The following NVL variants were observed in gnomAD, a reference collection of about 807,000 sequenced individuals.
NVL encodes nuclear valosin-containing protein-like.
A neutral mutation model predicts 110.2 loss-of-function variants in NVL; 84 were observed. The ratio of observed to expected loss-of-function variants is 0.76; its 90% CI spans 0.64 to 0.91. NVL has a LOEUF of 0.91. NVL is among the 40% of genes least tolerant of loss of function. The pLI, the probability that NVL is intolerant of heterozygous loss-of-function variation, is 0.00. For synonymous variants in NVL, 354 were observed against 361.1 expected (o/e 0.98, Z 0.22); for missense variants, 882 against 1,035.9 (o/e 0.85, Z 2.04).
At chr1:224,264,408 C>T (rs1021494725) in intron 18 of NVL, among the ~76,000 whole-genome samples, 4 of 151,902 alleles carry the variant, frequency 2.6e-5, no homozygotes, top group Admixed American at 1.3e-4. Flanking sequence ...CCACCACGCC[C>T]AATTAATTTT....
intron 16 of NVL, among the ~76,000 whole-genome samples, chr1:224,276,967 TAGTTTTATGA>T (rs1665831395): frequency 1.0e-5 from 1 of 95,960 alleles, no homozygotes; most frequent in Non-Finnish European, 2.1e-5. Flanking sequence ...CACATAAAAC[TAGTTTTATGA>T]CACATAAAAC....
chr1:224,241,788 G>A (rs1382801116), intron 19 of NVL, among the ~76,000 whole-genome samples: 1 of 151,482 alleles, frequency 6.6e-6, no homozygotes, highest in African/African-American at 2.4e-5. Flanking sequence ...CCCGGGAAGA[G>A]GAGGTTGCAG....
intron 18 of NVL, among the ~76,000 whole-genome samples, chr1:224,252,305 C>T (rs530872869): frequency 2.0e-5 from 3 of 152,234 alleles, no homozygotes; most frequent in African/African-American, 7.2e-5. Flanking sequence ...ATCAGGAGCA[C>T]AGAGCAAGCC....
In NVL at chr1:224,268,015, CA is replaced by C; in HGVS notation, c.2182+18del. ...TAAGTTTTTAGATTCATCTGTGTTA[CA>C]ATATTTTTATTTCTTACCTGGCCTG... On this transcript the variant is annotated intron_variant, in intron 18 of 22. Transcript: ENST00000281701. 6.4e-7 allele frequency: 1 copy of C among 1,553,278 alleles called. No homozygotes were observed. The highest frequency in any genetic ancestry group is 8.9e-7 in the Non-Finnish European group (1 of 1,126,848).
chr1:224,258,240 T>C (rs1663519379), intron 18 of NVL, among the ~76,000 whole-genome samples: 1 of 151,892 alleles, frequency 6.6e-6, no homozygotes, highest in Non-Finnish European at 1.5e-5. Flanking sequence ...ACCAGACATA[T>C]CTCCAAAGAA....
chr1:224,310,704 CT>C (rs977627040), intron 5 of NVL, among the ~76,000 whole-genome samples: 62 of 151,830 alleles, frequency 4.1e-4, no homozygotes, highest in Admixed American at 9.9e-4. Context: ...AGCCCTAACC[CT>C]TTTTTTTCTT....
Position 224,236,499 on chromosome 1 carries a change from C to G in NVL, c.2366+7G>C. ...AGAGTGAATTGACTTAAGATTTAAA[C>G]ACTTACGTATAGCAATCACAGCGAA... On this transcript the variant is annotated splice_region_variant and intron_variant, in intron 20 of 22. Coordinates refer to ENST00000281701, the MANE Select transcript of NVL (RefSeq NM_002533.4). 1 of 1,608,660 alleles carries G rather than the reference C, an allele frequency of 6.2e-7. No individual in the cohort carries two copies. Among genetic ancestry groups the G allele is most frequent in the Non-Finnish European group, 8.5e-7 (1 of 1,175,106 alleles).
chr1:224,327,320 G>C (rs1319298597), intron 1 of NVL, among the ~76,000 whole-genome samples: 1 of 151,868 alleles, frequency 6.6e-6, no homozygotes, highest in East Asian at 1.9e-4. Flanking sequence ...GTGCATACCT[G>C]TGGTCCCAGC....
intron 18 of NVL, chr1:224,257,290 C>T: frequency 7.2e-6 from 2 of 275,894 alleles, no homozygotes; most frequent in Non-Finnish European, 1.5e-5. Flanking sequence ...AAAGCACCTA[C>T]CTCCCCTCAA....
At chr1:224,279,494 T>C (rs2102585425) in intron 16 of NVL, among the ~76,000 whole-genome samples, 1 of 152,222 alleles carries the variant, frequency 6.6e-6, no homozygotes, top group East Asian at 1.9e-4. Flanking sequence ...ATACACACTA[T>C]TTAAAGGGGT....
intron 18 of NVL, among the ~76,000 whole-genome samples, chr1:224,254,644 A>G (rs1662967934): frequency 1.4e-5 from 2 of 145,716 alleles, no homozygotes; most frequent in African/African-American, 2.5e-5. Context: ...CGAACTCCCA[A>G]CCTCAGGTGA....
At chr1:224,230,930 G>A (rs1234198700) in intron 22 of NVL, among the ~76,000 whole-genome samples, 1 of 151,958 alleles carries the variant, frequency 6.6e-6, no homozygotes, top group Non-Finnish European at 1.5e-5. Context: ...TCAGGAGATC[G>A]AGACCATCCT....
Position 224,236,568 on chromosome 1 carries a change from T to C in NVL, c.2304A>G (p.Pro768=). 6.2e-7 allele frequency: 1 copy of C among 1,613,690 alleles called. No homozygotes were observed. Among genetic ancestry groups the C allele is most frequent in the African/African-American group, 1.3e-5 (1 of 75,036 alleles). The change falls in exon 20 of 23, where the codon CCA becomes CCG. Residue 768 remains proline (P), a synonymous_variant. Transcript: ENST00000281701. ...CCAAATTTACATCTGCATCCAGTGG[T>C]GGTTTGGTACCATTCTAAGTAAGAG... is the stretch of plus-strand genomic sequence containing the variant. ...LKTITKNGTK[P]PLDADVNLEA...
intron 10 of NVL, among the ~76,000 whole-genome samples, chr1:224,296,917 T>A (rs181038026): frequency 6.6e-6 from 1 of 152,168 alleles, no homozygotes; most frequent in Non-Finnish European, 1.5e-5. Flanking sequence ...ATACATTTGC[T>A]ATGCTATGAA....
At position 224,294,364 on chromosome 1, in the gene NVL, T is replaced by C. The variant is rs1667669579; in HGVS notation, c.1228A>G (p.Thr410Ala). 6.2e-7 allele frequency: 1 copy of C among 1,614,042 alleles called. No individual in the cohort carries two copies. The highest frequency in any genetic ancestry group is 1.3e-5 in the African/African-American group (1 of 74,912). ...ATARVLVIGA[T>A]NRPDSLDPAL... ...GGGTCTAACGAGTCTGGTCGATTAG[T>C]AGCTCCAATAACTAGGACCCGGGCT... is the stretch of plus-strand genomic sequence containing the variant. The change falls in exon 12 of 23, where the codon ACT (threonine) becomes GCT (alanine). Residue 410 changes from threonine to alanine, a missense_variant. Thr to Ala is a moderately conservative substitution (Grantham distance 58). This residue lies in a region of NVL where 416 missense variants were observed against 499.3 expected (regional missense o/e 0.83). Transcript: ENST00000281701.
In NVL at chr1:224,296,631, AT is replaced by A; in HGVS notation, c.1063-14del. The A allele has an allele frequency of 6.7e-7, 1 of 1,495,184 alleles. No homozygotes were observed. The highest frequency in any genetic ancestry group is 1.2e-5 in the South Asian group (1 of 83,738). 92.6% of individuals were successfully genotyped at this position (1,495,184 alleles called of 1,614,324 possible). A position where few individuals can be genotyped will look rare whatever the true frequency, so the allele number is the denominator to read the frequency against. On this transcript the variant is annotated splice_polypyrimidine_tract_variant and intron_variant, in intron 10 of 22. Transcript: ENST00000281701. The stretch of plus-strand genomic sequence containing the variant: ...ATGGTGCATTTGACTAGAAATAAAA[AT>A]ATCACAAAAAGACAATCATAAATGC...
intron 14 of NVL, 39 bp from the exon 15 acceptor site, chr1:224,286,169 C>CATTT (rs756987011): frequency 7.4e-7 from 1 of 1,345,534 alleles, no homozygotes; most frequent in South Asian, 1.2e-5. Flanking sequence ...ATTACATGTC[C>CATTT]ATTTTATACT....
chr1:224,242,626 C>A (rs917490009), intron 19 of NVL, among the ~76,000 whole-genome samples: 6 of 149,410 alleles, frequency 4.0e-5, no homozygotes, highest in Non-Finnish European at 7.4e-5. Context: ...CGCCACCATG[C>A]CTGGCCAATT....
chr1:224,303,690 CAGCAAA>C (rs747749760), intron 9 of NVL, 27 bp downstream of exon 9: 1 of 1,592,494 alleles, frequency 6.3e-7, no homozygotes, highest in South Asian at 1.1e-5. Context: ...ACAACAAAAA[CAGCAAA>C]AGCAAACAAA....
Sources: allele counts gnomAD v4.1 joint callset (sites outside exome capture counted in the v4.1 genomes callset), GRCh38; gene constraint gnomAD v4.1.1; regional missense constraint gnomAD v4.1.1; transcripts MANE v1.5; gene names NCBI Gene and HGNC (gene_info 2026-07-23, HGNC 2026-07-21).